AKAP13: variants seen among roughly 807,000 people sequenced by gnomAD.
The protein encoded by AKAP13 is A-kinase anchoring protein 13.
Under a neutral mutation model 264.5 loss-of-function variants are expected in AKAP13, and 80 were observed. That is an observed-to-expected ratio of 0.30 (90% confidence interval 0.25 to 0.36). The LOEUF (loss-of-function observed/expected upper bound fraction) is 0.36. AKAP13 is among the 10% of genes least tolerant of loss of function. The pLI, the probability that AKAP13 is intolerant of heterozygous loss-of-function variation, is 1.00. For missense variants in AKAP13, 3,712 were observed against 3,435.2 expected, an observed-to-expected ratio of 1.08 and a Z score of -2.01; for synonymous variants, 1,380 against 1,250.2, an observed-to-expected ratio of 1.10 and a Z score of -2.19.
chr15:85,583,137 C>T, intron 7 of AKAP13: 1 of 985,482 alleles, frequency 1.0e-6, no homozygotes, highest in Non-Finnish European at 1.2e-6. Flanking sequence ...GAAGACCTAT[C>T]TCCATGCTTG....
intron 26 of AKAP13, among the ~76,000 whole-genome samples, chr15:85,725,349 C>T (rs1196916276): frequency 6.7e-6 from 1 of 149,484 alleles, no homozygotes. Flanking sequence ...CTTCAAGATT[C>T]AATGAAGTTA....
intron 12 of AKAP13, among the ~76,000 whole-genome samples, chr15:85,663,157 A>G (rs1340421169): frequency 6.6e-6 from 1 of 152,170 alleles, no homozygotes; most frequent in African/African-American, 2.4e-5. Context: ...TAAAAATACA[A>G]AAATTGGCCA....
At chr15:85,456,353 C>T (rs2074277499) in intron 1 of AKAP13, among the ~76,000 whole-genome samples, 1 of 152,170 alleles carries the variant, frequency 6.6e-6, no homozygotes, top group African/African-American at 2.4e-5. Flanking sequence ...AAAATCAATC[C>T]TGACTTCTTC....
intron 8 of AKAP13, among the ~76,000 whole-genome samples, chr15:85,609,406 G>A (rs1403218444): frequency 6.6e-6 from 1 of 152,104 alleles, no homozygotes; most frequent in African/African-American, 2.4e-5. Flanking sequence ...ATTTAACGTA[G>A]TGTCCTCTAG....
At chr15:85,554,710 A>T (rs940023025) in intron 5 of AKAP13, among the ~76,000 whole-genome samples, 2 of 152,166 alleles carry the variant, frequency 1.3e-5, no homozygotes, top group Non-Finnish European at 2.9e-5. Flanking sequence ...CCAGACAGCT[A>T]ACATTTTGAA....
chr15:85,633,087 C>T lies in AKAP13; in HGVS notation c.4162-6287C>T, dbSNP rs140844411. Among the ~76,000 whole-genome samples, 1,230 of 152,052 alleles carry T rather than the reference C, an allele frequency of 8.1e-3. 19 individuals are homozygous for T. The highest frequency in any genetic ancestry group is 0.028 in the African/African-American group (1,158 of 41,468). On this transcript the variant is annotated intron_variant, in intron 8 of 36. Coordinates refer to ENST00000394518, the MANE Select transcript of AKAP13 (RefSeq NM_007200.5). ...TTCACTATGTTGGCCAGGATGATCT[C>T]GAACTCCTAACCTTGTGATCCGCCT...
intron 2 of AKAP13, among the ~76,000 whole-genome samples, chr15:85,512,754 T>C (rs537479112): frequency 1.3e-5 from 2 of 152,312 alleles, no homozygotes; most frequent in Admixed American, 1.3e-4. Context: ...AATGCAGTAG[T>C]ATGTGCTGAC....
At chr15:85,400,342 A>G (rs1239736351) in intron 1 of AKAP13, among the ~76,000 whole-genome samples, 1 of 152,140 alleles carries the variant, frequency 6.6e-6, no homozygotes, top group Non-Finnish European at 1.5e-5. Flanking sequence ...TCCATGAGTT[A>G]GAGGTTACAG....
At chr15:85,438,353 G>A (rs993991814) in intron 1 of AKAP13, among the ~76,000 whole-genome samples, 3 of 150,308 alleles carry the variant, frequency 2.0e-5, no homozygotes, top group South Asian at 2.1e-4. Flanking sequence ...CCATGCTCAT[G>A]GGTAGGAAGA....
At chr15:85,442,526 A>ATATAATATATAATATATATTATATATAT (rs2073738030) in intron 1 of AKAP13, among the ~76,000 whole-genome samples, 1 of 110,074 alleles carries the variant, frequency 9.1e-6, no homozygotes, top group Non-Finnish European at 1.8e-5. Flanking sequence ...ATATTATATT[A>ATATAATATATAATATATATTATATATAT]TATATAATAT....
At position 85,557,472 on chromosome 15, in the gene AKAP13, T is replaced by C. The variant is rs536794735; in HGVS notation, c.662+13517T>C. The stretch of plus-strand genomic sequence containing the variant: ...CTTTTGTTGTCGTTTTTGTTAGGTG[T>C]GGTTTTTTTTGTGTTTTGTTGTTTG... On this transcript the variant is annotated intron_variant, in intron 5 of 36. Coordinates refer to ENST00000394518, the MANE Select transcript of AKAP13 (RefSeq NM_007200.5). Among the ~76,000 whole-genome samples the C allele has an allele frequency of 3.9e-5, 6 of 152,272 alleles. No homozygotes were observed. In the South Asian group the frequency reaches 1.2e-3, roughly 32 times the overall value.
chr15:85,432,754 G>C (rs1205988235), intron 1 of AKAP13, among the ~76,000 whole-genome samples: 2 of 152,076 alleles, frequency 1.3e-5, no homozygotes, highest in Non-Finnish European at 2.9e-5. Flanking sequence ...CCATCACTTT[G>C]AGTCATATTA....
chr15:85,521,686 A>G, intron 3 of AKAP13, 111 bp downstream of exon 3: 1 of 1,204,988 alleles, frequency 8.3e-7, no homozygotes, highest in Non-Finnish European at 1.1e-6. Context: ...AGTATAAAAA[A>G]ATTTATTAGT....
At chr15:85,484,067 A>C (rs1299643777) in intron 1 of AKAP13, among the ~76,000 whole-genome samples, 6 of 152,096 alleles carry the variant, frequency 3.9e-5, no homozygotes, top group Non-Finnish European at 7.3e-5. Flanking sequence ...TAGTTAAGGT[A>C]GATTGGTCCA....
intron 8 of AKAP13, among the ~76,000 whole-genome samples, chr15:85,633,126 A>G (rs2081919825): frequency 6.6e-6 from 1 of 152,178 alleles, no homozygotes; most frequent in South Asian, 2.1e-4. Context: ...TCGGCCTCCC[A>G]AAGTGCTGGG....
chr15:85,530,285 T>TCCG, intron 3 of AKAP13, among the ~76,000 whole-genome samples: 1 of 152,236 alleles, frequency 6.6e-6, no homozygotes, highest in East Asian at 1.9e-4. Context: ...TCTGTGCTGA[T>TCCG]ACTTACTTTG....
intron 10 of AKAP13, chr15:85,651,708 T>G (rs2082859358): frequency 6.6e-6 from 1 of 152,232 alleles, no homozygotes; most frequent in Non-Finnish European, 1.5e-5. Flanking sequence ...AGCATCACTT[T>G]GGAGTTGCCT....
At chr15:85,560,659 C>G (rs139488100) in intron 5 of AKAP13, among the ~76,000 whole-genome samples, 1 of 100,012 alleles carries the variant, frequency 1.0e-5, no homozygotes, top group East Asian at 2.8e-4. Flanking sequence ...TTGAGGCCCT[C>G]TTTTATTATG....
intron 8 of AKAP13, among the ~76,000 whole-genome samples, chr15:85,610,917 T>G (rs2151389735): frequency 6.6e-6 from 1 of 152,334 alleles, no homozygotes; most frequent in Admixed American, 6.5e-5. Flanking sequence ...AGGCAGAGGT[T>G]GCAGTGAGTC....
Sources: allele counts gnomAD v4.1 joint callset (sites outside exome capture counted in the v4.1 genomes callset), GRCh38; gene constraint gnomAD v4.1.1; transcripts MANE v1.5; gene names NCBI Gene and HGNC (gene_info 2026-07-23, HGNC 2026-07-21).